The following TLNRD1 variants were observed in gnomAD, a reference collection of about 807,000 sequenced individuals.
The protein encoded by TLNRD1 is talin rod domain containing 1.
Under a neutral mutation model 19.5 loss-of-function variants are expected in TLNRD1, and 14 were observed. The ratio of observed to expected loss-of-function variants is 0.72; its 90% CI spans 0.47 to 1.12. The LOEUF (loss-of-function observed/expected upper bound fraction) is 1.12. TLNRD1 is among the 50% of genes most tolerant of loss of function. The pLI is 0.00. For synonymous variants in TLNRD1, 345 were observed against 261.7 expected, an observed-to-expected ratio of 1.32 and a Z score of -3.07; for missense variants, 569 against 531.9, an observed-to-expected ratio of 1.07 and a Z score of -0.69.
In TLNRD1 at chr15:81,002,999, C is replaced by T. The variant is rs115354729; in HGVS notation, c.728C>T (p.Ala243Val). The change falls in exon 1 of 1, where the codon GCG becomes GTG. Residue 243 changes from alanine (A) to valine (V), a missense_variant. Coordinates refer to ENST00000267984, the MANE Select transcript of TLNRD1 (RefSeq NM_022566.3). ...REVKVAPSEL[A>V]RSRCALFSGP... Reference sequence around the variant, plus strand: ...GTGAAGGTGGCGCCCAGTGAGCTGGCGCGCAGCCGCTGTGCGCTCTTCAGC... The same window carrying T: ...GTGAAGGTGGCGCCCAGTGAGCTGGTGCGCAGCCGCTGTGCGCTCTTCAGC... The T allele has an allele frequency of 2.6e-6, 4 of 1,566,840 alleles. No individual in the cohort carries two copies. The highest frequency in any genetic ancestry group is 1.3e-5 in the African/African-American group (1 of 74,174).
chr15:81,002,959 G>A lies in TLNRD1; in HGVS notation c.688G>A (p.Ala230Thr). The change falls in exon 1 of 1, where the codon GCC (alanine) becomes ACC (threonine). Residue 230 changes from alanine to threonine, a missense_variant. By Grantham distance (58) the Ala-to-Thr change is moderately conservative (BLOSUM62 0). Transcript: ENST00000267984. ...CMSTSASALL[A>T]CVREVKVAPS... ...GAGCACCAGCGCGTCGGCGCTGCTG[G>A]CCTGCGTGCGCGAGGTGAAGGTGGC... 2 of 1,587,894 alleles carry A rather than the reference G, an allele frequency of 1.3e-6. No homozygotes were observed. Among genetic ancestry groups the A allele is most frequent in the Non-Finnish European group, 8.5e-7 (1 of 1,173,532 alleles).
chr15:81,003,684 G>A lies in TLNRD1; in HGVS notation c.*324G>A, dbSNP rs1893456748. On this transcript the variant is annotated 3_prime_UTR_variant, in exon 1 of 1. Coordinates refer to ENST00000267984, the MANE Select transcript of TLNRD1 (RefSeq NM_022566.3). ...AATTTCATTATTGGGCAGGAAGGAGGTCATGGGTTCATTTCATTTTTGTTT... is the reference window on the plus strand; with the variant it reads ...AATTTCATTATTGGGCAGGAAGGAGATCATGGGTTCATTTCATTTTTGTTT... 3.5e-6 allele frequency: 1 copy of A among 283,234 alleles called. No individual in the cohort carries two copies. 17.5% of individuals were successfully genotyped at this position (283,234 alleles called of 1,614,324 possible). A position where few individuals can be genotyped will look rare whatever the true frequency, so the allele number is the denominator to read the frequency against.
rs1567132254 is a variant in TLNRD1 at position 81,002,264 on chromosome 15, C to G, written c.-8C>G. ...TCCCCAGCGGCATGCCAGTGCCCCC[C>G]GGGCGCGATGGCTAGCGGCAGCGCC... On this transcript the variant is annotated 5_prime_UTR_variant, in exon 1 of 1. Transcript: ENST00000267984. 6 of 1,273,566 alleles carry G rather than the reference C, an allele frequency of 4.7e-6. No homozygotes were observed. The highest frequency in any genetic ancestry group is 4.0e-6 in the Non-Finnish European group (4 of 1,009,144). 78.9% of individuals were successfully genotyped at this position (1,273,566 alleles called of 1,614,324 possible).
In TLNRD1 at chr15:81,003,078, G is replaced by A; in HGVS notation, c.807G>A (p.Gln269=). Residue 269 remains glutamine, a synonymous_variant, in exon 1 of 1, where the codon CAG becomes CAA. Transcript: ENST00000267984. ...SALVGFATEP[Q]FLGRAAAVSA... ...TGGTAGGCTTCGCCACCGAGCCGCA[G>A]TTCCTGGGTCGCGCGGCAGCTGTGA... 6.4e-7 allele frequency: 1 copy of A among 1,551,220 alleles called. No homozygotes were observed.
At position 81,005,084 on chromosome 15, in the gene TLNRD1, G is replaced by A. The variant is rs991423327; in HGVS notation, c.*1724G>A. ...TTATTACAATGACATGAAATACAAC[G>A]TGTAAAAGTCTTTAACCTGTGTTGG... On this transcript the variant is annotated 3_prime_UTR_variant, in exon 1 of 1. Coordinates refer to ENST00000267984, the MANE Select transcript of TLNRD1 (RefSeq NM_022566.3). 4.8e-5 allele frequency: 8 copies of A among 167,008 alleles called. No homozygotes were observed. Among genetic ancestry groups the A allele is most frequent in the African/African-American group, 1.9e-4 (8 of 41,426 alleles). 10.3% of individuals were successfully genotyped at this position (167,008 alleles called of 1,614,324 possible). A position where few individuals can be genotyped will look rare whatever the true frequency, so the allele number is the denominator to read the frequency against.
In TLNRD1 at chr15:81,004,484, T is replaced by A; in HGVS notation, c.*1124T>A. The A allele has an allele frequency of 6.0e-6, 1 of 167,104 alleles. No homozygotes were observed. Among genetic ancestry groups the A allele is most frequent in the East Asian group, 1.9e-4 (1 of 5,206 alleles). 10.4% of individuals were successfully genotyped at this position (167,104 alleles called of 1,614,324 possible). A position where few individuals can be genotyped will look rare whatever the true frequency, so the allele number is the denominator to read the frequency against. On this transcript the variant is annotated 3_prime_UTR_variant, in exon 1 of 1. Coordinates refer to ENST00000267984, the MANE Select transcript of TLNRD1 (RefSeq NM_022566.3). ...AAAAGTACTGTACATCAAGTGAGAATAGTTAGCATCTTTTATGTACACAGG... is the reference window on the plus strand; with the variant it reads ...AAAAGTACTGTACATCAAGTGAGAAAAGTTAGCATCTTTTATGTACACAGG...
chr15:81,005,313 T>C lies in TLNRD1; in HGVS notation c.*1953T>C, dbSNP rs1174971708. 6.0e-6 allele frequency: 1 copy of C among 167,068 alleles called. No homozygotes were observed. Among genetic ancestry groups the C allele is most frequent in the Non-Finnish European group, 1.5e-5 (1 of 68,108 alleles). The allele number at this position is 167,068 out of a possible 1,614,324, so 10.3% of individuals were successfully genotyped here. On this transcript the variant is annotated 3_prime_UTR_variant, in exon 1 of 1. Transcript: ENST00000267984. Reference sequence around the variant, plus strand: ...TTTCCTCTGCCCCTTAATGTTGGGATGGGGTTCAGGATGAAAGGGAGGTGG... The same window carrying C: ...TTTCCTCTGCCCCTTAATGTTGGGACGGGGTTCAGGATGAAAGGGAGGTGG...
Position 81,004,779 on chromosome 15 carries a change from G to C in TLNRD1, c.*1419G>C, listed in dbSNP as rs1344200100. 6.0e-6 allele frequency: 1 copy of C among 167,048 alleles called. No individual in the cohort carries two copies. Among genetic ancestry groups the C allele is most frequent in the Non-Finnish European group, 1.5e-5 (1 of 68,110 alleles). The allele number at this position is 167,048 out of a possible 1,614,324, so 10.3% of individuals were successfully genotyped here. A position where few individuals can be genotyped will look rare whatever the true frequency, so the allele number is the denominator to read the frequency against. ...TTTTAGGAGTCTTTTTGTGTGAGTG[G>C]TGGTGGAGTGTATAGTTTTGTTGAA... On this transcript the variant is annotated 3_prime_UTR_variant, in exon 1 of 1. Transcript: ENST00000267984.
rs1893433268 is a variant in TLNRD1 at position 81,002,724 on chromosome 15, C to T, written c.453C>T (p.Tyr151=). The change falls in exon 1 of 1, where the codon TAC becomes TAT. Residue 151 remains tyrosine (Y), a synonymous_variant. Transcript: ENST00000267984. ...QPAQPGLVDR[Y]RVTRCRHEVE... ...CGCAGCCGGGCCTGGTGGACCGCTA[C>T]CGCGTGACGCGATGCCGCCACGAGG... is the stretch of plus-strand genomic sequence containing the variant. The T allele has an allele frequency of 1.1e-5, 17 of 1,532,880 alleles. No individual in the cohort carries two copies. Among genetic ancestry groups the T allele is most frequent in the Non-Finnish European group, 1.4e-5 (16 of 1,145,444 alleles). 95.0% of individuals were successfully genotyped at this position (1,532,880 alleles called of 1,614,324 possible).
chr15:81,002,704 C>G lies in TLNRD1; in HGVS notation c.433C>G (p.Pro145Ala). 6.6e-7 allele frequency: 1 copy of G among 1,515,786 alleles called. No homozygotes were observed. Among genetic ancestry groups the G allele is most frequent in the South Asian group, 1.2e-5 (1 of 81,906 alleles). 93.9% of individuals were successfully genotyped at this position (1,515,786 alleles called of 1,614,324 possible). The change falls in exon 1 of 1, where the codon CCG becomes GCG. Residue 145 changes from proline to alanine, a missense_variant. Coordinates refer to ENST00000267984, the MANE Select transcript of TLNRD1 (RefSeq NM_022566.3). ...CACGCCGGGCGCCCAGCCCGCGCAGCCGGGCCTGGTGGACCGCTACCGCGT... is the reference window on the plus strand; with the variant it reads ...CACGCCGGGCGCCCAGCCCGCGCAGGCGGGCCTGGTGGACCGCTACCGCGT... ...VATPGAQPAQPGLVDRYRVTR... is the reference protein window; with the variant it reads ...VATPGAQPAQAGLVDRYRVTR...
chr15:81,003,543 G>A lies in TLNRD1; in HGVS notation c.*183G>A, dbSNP rs1311762469. ...CGCAACCTGCACACGCACTTGGAGG[G>A]CCCAGGTGTCTCTCCACCAGCCCCC... On this transcript the variant is annotated 3_prime_UTR_variant, in exon 1 of 1. Transcript: ENST00000267984. 1 of 645,880 alleles carries A rather than the reference G, an allele frequency of 1.5e-6. No individual in the cohort carries two copies. Among genetic ancestry groups the A allele is most frequent in the Non-Finnish European group, 2.6e-6 (1 of 382,474 alleles). 40.0% of individuals were successfully genotyped at this position (645,880 alleles called of 1,614,324 possible).
rs985348821 is a variant in TLNRD1 at position 81,001,270 on chromosome 15, G to C, written c.-1002G>C. 6.6e-6 allele frequency: 1 copy of C among 152,284 alleles called. No homozygotes were observed. 9.4% of individuals were successfully genotyped at this position (152,284 alleles called of 1,614,324 possible). ...CGTGCAGGGGCGTCCGATGCGCGGG[G>C]CCCGGGGCCTCGGGAGAGCTCAGCT... On this transcript the variant is annotated 5_prime_UTR_variant, in exon 1 of 1. Transcript: ENST00000267984.
In TLNRD1 at chr15:81,003,510, G is replaced by A; in HGVS notation, c.*150G>A. 1 of 903,676 alleles carries A rather than the reference G, an allele frequency of 1.1e-6. No individual in the cohort carries two copies. Among genetic ancestry groups the A allele is most frequent in the Non-Finnish European group, 1.7e-6 (1 of 604,470 alleles). 56.0% of individuals were successfully genotyped at this position (903,676 alleles called of 1,614,324 possible). A position where few individuals can be genotyped will look rare whatever the true frequency, so the allele number is the denominator to read the frequency against. Reference sequence around the variant, plus strand: ...CGAGAGGAATCTTCCACAAGGCAGGGCCATGCACGCAACCTGCACACGCAC... The same window carrying A: ...CGAGAGGAATCTTCCACAAGGCAGGACCATGCACGCAACCTGCACACGCAC... On this transcript the variant is annotated 3_prime_UTR_variant, in exon 1 of 1. Coordinates refer to ENST00000267984, the MANE Select transcript of TLNRD1 (RefSeq NM_022566.3).
At position 81,003,125 on chromosome 15, in the gene TLNRD1, A is replaced by C. The variant is rs1258275824; in HGVS notation, c.854A>C (p.Gln285Pro). 18 of 1,562,114 alleles carry C rather than the reference A, an allele frequency of 1.2e-5. No individual in the cohort carries two copies. Among genetic ancestry groups the C allele is most frequent in the Non-Finnish European group, 1.7e-6 (2 of 1,154,924 alleles). Residue 285 changes from glutamine (Q) to proline (P), a missense_variant, in exon 1 of 1, where the codon CAG becomes CCG. Coordinates refer to ENST00000267984, the MANE Select transcript of TLNRD1 (RefSeq NM_022566.3). Reference sequence around the variant, plus strand: ...GTGAGCGCCGAGGGCAAGGCGGTGCAGACCGCCATCCTGGGCGGCGCCATG... The same window carrying C: ...GTGAGCGCCGAGGGCAAGGCGGTGCCGACCGCCATCCTGGGCGGCGCCATG... ...AAVSAEGKAVQTAILGGAMSV... is the reference protein window; with the variant it reads ...AAVSAEGKAVPTAILGGAMSV...
At position 81,004,767 on chromosome 15, in the gene TLNRD1, T is replaced by C. The variant is rs988912748; in HGVS notation, c.*1407T>C. 34 of 167,052 alleles carry C rather than the reference T, an allele frequency of 2.0e-4. No homozygotes were observed. The highest frequency in any genetic ancestry group is 8.8e-5 in the Non-Finnish European group (6 of 68,116). 10.3% of individuals were successfully genotyped at this position (167,052 alleles called of 1,614,324 possible). On this transcript the variant is annotated 3_prime_UTR_variant, in exon 1 of 1. Transcript: ENST00000267984. ...TTCTGCAGACATTTTTAGGAGTCTTTTTGTGTGAGTGGTGGTGGAGTGTAT... is the reference window on the plus strand; with the variant it reads ...TTCTGCAGACATTTTTAGGAGTCTTCTTGTGTGAGTGGTGGTGGAGTGTAT...
At position 81,005,198 on chromosome 15, in the gene TLNRD1, A is replaced by G. The variant is rs1386545389; in HGVS notation, c.*1838A>G. The G allele has an allele frequency of 6.0e-6, 1 of 167,004 alleles. No individual in the cohort carries two copies. The highest frequency in any genetic ancestry group is 1.5e-5 in the Non-Finnish European group (1 of 68,096). The allele number at this position is 167,004 out of a possible 1,614,324, so 10.3% of individuals were successfully genotyped here. A position where few individuals can be genotyped will look rare whatever the true frequency, so the allele number is the denominator to read the frequency against. On this transcript the variant is annotated 3_prime_UTR_variant, in exon 1 of 1. Transcript: ENST00000267984. ...TACTTAAATTTTTAAAAAAATGACC[A>G]TGGGAGCAGTTTTTCTCTGTTAAAT...
chr15:81,001,400 G>C lies in TLNRD1; in HGVS notation c.-872G>C, dbSNP rs1282029704. On this transcript the variant is annotated 5_prime_UTR_variant, in exon 1 of 1. Transcript: ENST00000267984. ...GGGCGTGCCGCCGCGGCGCCGGGCCGCGCTCTGTGAACCGGCGAGGCGGGA... is the reference window on the plus strand; with the variant it reads ...GGGCGTGCCGCCGCGGCGCCGGGCCCCGCTCTGTGAACCGGCGAGGCGGGA... 1 of 151,176 alleles carries C rather than the reference G, an allele frequency of 6.6e-6. No homozygotes were observed. Among genetic ancestry groups the C allele is most frequent in the Non-Finnish European group, 1.5e-5 (1 of 67,764 alleles). The allele number at this position is 151,176 out of a possible 1,614,324, so 9.4% of individuals were successfully genotyped here.
In TLNRD1 at chr15:81,002,923, G is replaced by A. The variant is rs1301631775; in HGVS notation, c.652G>A (p.Val218Ile). 1 of 1,597,016 alleles carries A rather than the reference G, an allele frequency of 6.3e-7. No homozygotes were observed. Among genetic ancestry groups the A allele is most frequent in the Non-Finnish European group, 8.5e-7 (1 of 1,178,538 alleles). The change falls in exon 1 of 1, where the codon GTC becomes ATC. Residue 218 changes from valine (V) to isoleucine (I), a missense_variant. Coordinates refer to ENST00000267984, the MANE Select transcript of TLNRD1 (RefSeq NM_022566.3). ...TTCGCGGGAGCAGTTCAAGCTGGGC[G>A]TCAAGTGCATGAGCACCAGCGCGTC... ...RFSREQFKLG[V>I]KCMSTSASAL...
Position 81,003,415 on chromosome 15 carries a change from C to G in TLNRD1, c.*55C>G. 1 of 1,492,284 alleles carries G rather than the reference C, an allele frequency of 6.7e-7. No individual in the cohort carries two copies. The highest frequency in any genetic ancestry group is 9.0e-7 in the Non-Finnish European group (1 of 1,110,560). The allele number at this position is 1,492,284 out of a possible 1,614,324, so 92.4% of individuals were successfully genotyped here. On this transcript the variant is annotated 3_prime_UTR_variant, in exon 1 of 1. Coordinates refer to ENST00000267984, the MANE Select transcript of TLNRD1 (RefSeq NM_022566.3). ...CCCAGACTAAAGGAAGATACTTACT[C>G]TCTGCCCCTCTCCATTTATACCAAA...
Sources: allele counts gnomAD v4.1 joint callset, GRCh38; gene constraint gnomAD v4.1.1; transcripts MANE v1.5; gene names NCBI Gene and HGNC (gene_info 2026-07-23, HGNC 2026-07-21).